NAALADL2: variants seen among roughly 807,000 people sequenced by gnomAD.
NAALADL2 encodes the protein inactive N-acetylated-alpha-linked acidic dipeptidase-like protein 2.
A neutral mutation model predicts 87.2 loss-of-function variants in NAALADL2; 76 were observed. That is an observed-to-expected ratio of 0.87 (90% CI 0.72 to 1.05). The LOEUF is 1.05. Ranked by LOEUF, NAALADL2 falls within the 50% of genes least tolerant of loss-of-function variation. NAALADL2 has a pLI of 0.00. For synonymous variants in NAALADL2, 354 were observed against 331.0 expected (o/e 1.07, Z -0.75); for missense variants, 1,089 against 945.8 (o/e 1.15, Z -1.99).
In NAALADL2 at chr3:174,825,315, TG is replaced by T. The variant is rs1221866294; in HGVS notation, c.-9+87574del. On this transcript the variant is annotated intron_variant, in intron 3 of 3. Coordinates refer to the NAALADL2 transcript ENST00000434257. ...GTCCAAGGCCTAAGGCCTGATAACTTGGGGGAAGTCAGGGTGCTGGTGTAAG... is the reference window on the plus strand; with the variant it reads ...GTCCAAGGCCTAAGGCCTGATAACTTGGGGAAGTCAGGGTGCTGGTGTAAG... 4.2e-4 allele frequency among the ~76,000 whole-genome samples: 64 copies of T among 152,162 alleles called. 1 individual carries two copies. Among genetic ancestry groups the T allele is most frequent in the Non-Finnish European group, 1.9e-4 (13 of 68,020 alleles).
rs1754659224 is a variant in NAALADL2, at chr3:175,805,839, A to C, written c.*2636A>C. ...GGGTACACATGAGATACTGCCCTTT[A>C]TGGAAAAGCATAAGTCTCAGAATCA... On this transcript the variant is annotated 3_prime_UTR_variant, in exon 14 of 14. Coordinates refer to ENST00000454872, the MANE Select transcript of NAALADL2 (RefSeq NM_207015.3). The C allele has an allele frequency of 6.6e-6, 1 of 151,934 alleles. No individual in the cohort carries two copies. The highest frequency in any genetic ancestry group is 1.5e-5 in the Non-Finnish European group (1 of 67,894). 9.4% of individuals were successfully genotyped at this position (151,934 alleles called of 1,614,324 possible).
At chr3:174,981,327 G>A (rs1298500872) in intron 1 of NAALADL2, among the ~76,000 whole-genome samples, 2 of 152,152 alleles carry the variant, frequency 1.3e-5, no homozygotes, top group Non-Finnish European at 2.9e-5. Flanking sequence ...GTATGTGAGT[G>A]TAATCTTTAT....
intron 3 of NAALADL2, among the ~76,000 whole-genome samples, chr3:174,835,566 C>T (rs1483853960): frequency 6.6e-6 from 1 of 152,090 alleles, no homozygotes; most frequent in East Asian, 1.9e-4. Context: ...GAAAAGGCTA[C>T]CTACAGAATA....
intron 1 of NAALADL2, among the ~76,000 whole-genome samples, chr3:174,445,971 AG>A (rs1380822570): frequency 6.6e-6 from 1 of 152,182 alleles, no homozygotes; most frequent in Non-Finnish European, 1.5e-5. Flanking sequence ...CCTGAAATCA[AG>A]GTTTTCTGTT....
At chr3:175,000,883 G>T (rs1748135629) in intron 1 of NAALADL2, among the ~76,000 whole-genome samples, 1 of 152,154 alleles carries the variant, frequency 6.6e-6, no homozygotes. Flanking sequence ...CCTTAGAGAG[G>T]CCAAGTGGTT....
chr3:175,102,723 A>G (rs1560029622), intron 2 of NAALADL2, among the ~76,000 whole-genome samples: 1 of 152,204 alleles, frequency 6.6e-6, no homozygotes, highest in Non-Finnish European at 1.5e-5. Flanking sequence ...CTAAGCAAGC[A>G]TGAGTTAATT....
At chr3:175,143,978 GA>G (rs112948893) in intron 2 of NAALADL2, among the ~76,000 whole-genome samples, 34,005 of 151,662 alleles carry the variant, frequency 0.22, 4,046 homozygotes, top group South Asian at 0.31. Flanking sequence ...AAAATTGAAT[GA>G]AAGGAAGTTA....
chr3:174,595,181 C>T (rs1717760739), intron 2 of NAALADL2, among the ~76,000 whole-genome samples: 1 of 152,124 alleles, frequency 6.6e-6, no homozygotes, highest in African/African-American at 2.4e-5. Flanking sequence ...GTCTCATGAG[C>T]TGGAGGGTGC....
At chr3:174,975,549 G>A (rs73881579) in intron 1 of NAALADL2, among the ~76,000 whole-genome samples, 3,132 of 152,000 alleles carry the variant, frequency 0.021, 91 homozygotes, top group African/African-American at 0.071. Context: ...TAATAACCCC[G>A]CCGCCCCCCC....
chr3:174,599,055 GACTT>G (rs1718195436), intron 2 of NAALADL2, among the ~76,000 whole-genome samples: 2 of 152,108 alleles, frequency 1.3e-5, no homozygotes, highest in Admixed American at 1.3e-4. Context: ...TGACAGCTGA[GACTT>G]TTTGCTTAGA....
intron 9 of NAALADL2, among the ~76,000 whole-genome samples, chr3:175,501,341 T>C (rs1582150063): frequency 6.6e-6 from 1 of 152,072 alleles, no homozygotes; most frequent in Admixed American, 6.6e-5. Flanking sequence ...GTGGTGAAGG[T>C]GGCTCCTGCC....
At chr3:174,799,065 G>A (rs898813312) in intron 3 of NAALADL2, among the ~76,000 whole-genome samples, 1 of 151,982 alleles carries the variant, frequency 6.6e-6, no homozygotes, top group Non-Finnish European at 1.5e-5. Context: ...AGTTATTTGT[G>A]AGGCTGAGGC....
In NAALADL2 at chr3:174,994,747, T is replaced by C. The variant is rs370624077; in HGVS notation, c.44-102043T>C. Among the ~76,000 whole-genome samples the C allele has an allele frequency of 8.1e-4, 123 of 152,330 alleles. 3 individuals are homozygous for C. The South Asian group carries it at 0.024, about 30-fold the overall frequency. ...AAATCTGTGATTTCACTAATCTTAG[T>C]CTATTTCCGTTTGGAAATTCTCAAA... On this transcript the variant is annotated intron_variant, in intron 1 of 13. Transcript: ENST00000454872.
chr3:175,317,441 C>A (rs1759297928), intron 4 of NAALADL2, among the ~76,000 whole-genome samples: 1 of 151,880 alleles, frequency 6.6e-6, no homozygotes, highest in East Asian at 2.0e-4. Context: ...CTGAACCTGA[C>A]CTCACAATCC....
intron 2 of NAALADL2, among the ~76,000 whole-genome samples, chr3:175,151,715 G>T (rs757242588): frequency 6.6e-6 from 1 of 151,784 alleles, no homozygotes; most frequent in African/African-American, 2.4e-5. Flanking sequence ...CATACTACTC[G>T]ACTTTATGGA....
intron 1 of NAALADL2, among the ~76,000 whole-genome samples, chr3:175,095,460 G>A (rs934334114): frequency 2.0e-5 from 3 of 151,902 alleles, no homozygotes; most frequent in Non-Finnish European, 4.4e-5. Context: ...TCAATGCTAG[G>A]TAAGAATGAT....
chr3:175,199,864 ATTTTTTTTTTTTTTTTTTTTT>A (rs869050569), intron 2 of NAALADL2, among the ~76,000 whole-genome samples: 8 of 13,056 alleles, frequency 6.1e-4, no homozygotes, highest in African/African-American at 1.9e-3. Flanking sequence ...ATATATATAT[ATTTTTTTTTTTTTTTTTTTTT>A]TTTTTTTCCT....
At chr3:174,912,319 T>C (rs1450441829) in intron 1 of NAALADL2, among the ~76,000 whole-genome samples, 1 of 152,028 alleles carries the variant, frequency 6.6e-6, no homozygotes, top group Non-Finnish European at 1.5e-5. Context: ...TTTTTTTTTT[T>C]CTTTGAAAAA....
intron 1 of NAALADL2, among the ~76,000 whole-genome samples, chr3:174,460,606 C>T (rs57533489): frequency 0.015 from 2,241 of 150,684 alleles, 50 homozygotes; most frequent in African/African-American, 0.051. Flanking sequence ...TTTTTTCTTA[C>T]GGTTTTGAAA....
Sources: gnomAD v4.1 joint callset for allele counts (sites outside exome capture counted in the v4.1 genomes callset) on GRCh38, gnomAD v4.1.1 for gene constraint, MANE v1.5 for transcripts, NCBI Gene and HGNC (gene_info 2026-07-23, HGNC 2026-07-21) for gene names.